CCSER2: variants seen among roughly 807,000 people sequenced by gnomAD.
CCSER2 encodes the protein serine-rich coiled-coil domain-containing protein 2.
In CCSER2, 46 loss-of-function variants were observed where a neutral mutation model predicts 92.3. The ratio of observed to expected loss-of-function variants is 0.50; its 90% CI spans 0.39 to 0.64. The LOEUF is 0.64. Ranked by LOEUF, CCSER2 falls within the 30% of genes least tolerant of loss-of-function variation. CCSER2 has a pLI of 0.00. For missense variants in CCSER2, 1,244 were observed against 1,238.9 expected, an observed-to-expected ratio of 1.00 and a Z score of -0.06; for synonymous variants, 433 against 431.4, an observed-to-expected ratio of 1.00 and a Z score of -0.04.
rs758383153 is a variant in CCSER2 at position 84,513,485 on chromosome 10, C to CCCA, written c.2364_2366dup (p.Thr789dup). ...ACAGCCTTCCAGCAGCCTTCCCAGA[C>CCCA]CCACAGATCACACCCAGGGAAAACT... On this transcript the variant is annotated inframe_insertion, in exon 10 of 10. Coordinates refer to ENST00000372088, the MANE Select transcript of CCSER2 (RefSeq NM_001284240.2). The CCCA allele has an allele frequency of 2.5e-6, 4 of 1,613,470 alleles. No individual in the cohort carries two copies. In the South Asian group the frequency reaches 4.4e-5, roughly 18 times the overall value.
intron 4 of CCSER2, among the ~76,000 whole-genome samples, chr10:84,419,054 CG>C (rs1843010998): frequency 6.6e-6 from 1 of 151,842 alleles, no homozygotes; most frequent in African/African-American, 2.4e-5. Flanking sequence ...TTTACTAAAA[CG>C]TAAGATTTAC....
At position 84,486,218 on chromosome 10, in the gene CCSER2, C is replaced by G. The variant is rs1847801290; in HGVS notation, c.2325+8554C>G. Among the ~76,000 whole-genome samples, 4 of 152,176 alleles carry G rather than the reference C, an allele frequency of 2.6e-5. No homozygotes were observed. In the South Asian group the frequency reaches 8.3e-4, roughly 32 times the overall value. ...GCAGTAAACATACGTGTGCATGTGCCTTTATAGCAGCATGATTTATAATCC... is the reference window on the plus strand; with the variant it reads ...GCAGTAAACATACGTGTGCATGTGCGTTTATAGCAGCATGATTTATAATCC... On this transcript the variant is annotated intron_variant, in intron 9 of 9. Coordinates refer to ENST00000372088, the MANE Select transcript of CCSER2 (RefSeq NM_001284240.2).
intron 3 of CCSER2, among the ~76,000 whole-genome samples, chr10:84,402,849 G>T (rs1263215823): frequency 6.6e-6 from 1 of 152,102 alleles, no homozygotes; most frequent in African/African-American, 2.4e-5. Context: ...CATTCTCTAC[G>T]TGGAAGACTC....
chr10:84,356,556 G>A (rs777313563), intron 1 of CCSER2, among the ~76,000 whole-genome samples: 2 of 152,140 alleles, frequency 1.3e-5, no homozygotes, highest in Non-Finnish European at 2.9e-5. Flanking sequence ...TATGCCAAAA[G>A]TTTTAAGTTC....
Position 84,516,809 on chromosome 10 carries a change from T to G in CCSER2, c.*2542T>G, listed in dbSNP as rs1376540245. On this transcript the variant is annotated 3_prime_UTR_variant, in exon 10 of 10. Transcript: ENST00000372088. ...TTAGCTCAACTTTTCTCTACCTTTG[T>G]TGAGTCTTAATCTTTTAGAAGATAG... The G allele has an allele frequency of 2.0e-5, 3 of 152,160 alleles. No homozygotes were observed. The highest frequency in any genetic ancestry group is 2.9e-5 in the Non-Finnish European group (2 of 68,018). The allele number at this position is 152,160 out of a possible 1,614,324, so 9.4% of individuals were successfully genotyped here.
chr10:84,416,433 A>G (rs1323038704), intron 3 of CCSER2, among the ~76,000 whole-genome samples: 2 of 152,184 alleles, frequency 1.3e-5, no homozygotes, highest in South Asian at 2.1e-4. Context: ...GTTTAATTGC[A>G]TGTCAAACAT....
chr10:84,491,429 C>T (rs566028749), intron 9 of CCSER2, among the ~76,000 whole-genome samples: 3 of 152,294 alleles, frequency 2.0e-5, no homozygotes, highest in African/African-American at 4.8e-5. Flanking sequence ...CTACTCAAGC[C>T]TCAGCAATGG....
chr10:84,348,269 A>G (rs1844647926), intron 1 of CCSER2, among the ~76,000 whole-genome samples: 2 of 152,350 alleles, frequency 1.3e-5, no homozygotes, highest in South Asian at 2.1e-4. Flanking sequence ...CGGCCAACAC[A>G]GCGAAACCCC....
intron 3 of CCSER2, among the ~76,000 whole-genome samples, chr10:84,411,769 C>T (rs1457459858): frequency 6.6e-6 from 1 of 152,188 alleles, no homozygotes; most frequent in African/African-American, 2.4e-5. Flanking sequence ...GATAATTTGA[C>T]TTCTTCTCTT....
At chr10:84,428,429 T>C (rs1379103806) in intron 5 of CCSER2, among the ~76,000 whole-genome samples, 1 of 152,206 alleles carries the variant, frequency 6.6e-6, no homozygotes, top group African/African-American at 2.4e-5. Context: ...AATGCTTACA[T>C]GCATGCCCTC....
intron 9 of CCSER2, among the ~76,000 whole-genome samples, chr10:84,482,612 T>C (rs1368339620): frequency 6.6e-6 from 1 of 152,238 alleles, no homozygotes; most frequent in Non-Finnish European, 1.5e-5. Context: ...TTATGATATG[T>C]ACCTTTTGTA....
At chr10:84,481,432 G>T (rs1361491191) in intron 9 of CCSER2, among the ~76,000 whole-genome samples, 1 of 151,546 alleles carries the variant, frequency 6.6e-6, no homozygotes, top group East Asian at 1.9e-4. Flanking sequence ...CAGAATTTTA[G>T]GAGTTTTTTT....
chr10:84,491,193 C>T (rs1183484037), intron 9 of CCSER2, among the ~76,000 whole-genome samples: 2 of 152,188 alleles, frequency 1.3e-5, no homozygotes, highest in African/African-American at 4.8e-5. Flanking sequence ...AGTCAGGGAC[C>T]CACTTGAGGA....
At chr10:84,396,272 TA>T (rs1477721638) in intron 3 of CCSER2, among the ~76,000 whole-genome samples, 1 of 150,300 alleles carries the variant, frequency 6.7e-6, no homozygotes, top group Non-Finnish European at 1.5e-5. Flanking sequence ...GTATATATAG[TA>T]TATTATATAC....
At chr10:84,510,017 A>T (rs1849268637) in intron 9 of CCSER2, among the ~76,000 whole-genome samples, 1 of 152,150 alleles carries the variant, frequency 6.6e-6, no homozygotes, top group Non-Finnish European at 1.5e-5. Flanking sequence ...ATCATTCTAA[A>T]ACACACACAT....
intron 3 of CCSER2, among the ~76,000 whole-genome samples, chr10:84,392,715 C>T (rs1388571716): frequency 6.6e-6 from 1 of 152,120 alleles, no homozygotes; most frequent in Admixed American, 6.5e-5. Flanking sequence ...AACAATGAAG[C>T]ACCCTGTGAA....
At chr10:84,347,397 G>A (rs988512082) in intron 1 of CCSER2, among the ~76,000 whole-genome samples, 5 of 147,834 alleles carry the variant, frequency 3.4e-5, no homozygotes, top group Non-Finnish European at 6.0e-5. Flanking sequence ...GCGGCTGGCC[G>A]GGGAGGGGGG....
intron 8 of CCSER2, among the ~76,000 whole-genome samples, chr10:84,470,742 G>T (rs1218257387): frequency 1.3e-5 from 2 of 151,920 alleles, no homozygotes; most frequent in Admixed American, 6.6e-5. Flanking sequence ...AGGGTAAATG[G>T]CTTTTCTTCA....
chr10:84,407,052 C>G (rs964947269), intron 3 of CCSER2, among the ~76,000 whole-genome samples: 1 of 152,200 alleles, frequency 6.6e-6, no homozygotes, highest in Non-Finnish European at 1.5e-5. Flanking sequence ...TAATCTTACT[C>G]TACGGTGTTT....
Sources: gnomAD v4.1 joint callset for allele counts (sites outside exome capture counted in the v4.1 genomes callset) on GRCh38, gnomAD v4.1.1 for gene constraint, MANE v1.5 for transcripts, NCBI Gene and HGNC (gene_info 2026-07-23, HGNC 2026-07-21) for gene names.